The following CUL7 variants were observed in gnomAD, a reference collection of about 807,000 sequenced individuals.
The protein encoded by CUL7 is cullin 7, also known as cullin-7.
A neutral mutation model predicts 177.7 loss-of-function variants in CUL7; 96 were observed. That is an observed-to-expected ratio of 0.54 (90% CI 0.46 to 0.64). The LOEUF is 0.64. CUL7 is among the 30% of genes least tolerant of loss of function. The pLI is 0.00. For missense variants in CUL7, 1,893 were observed against 2,187.9 expected, an observed-to-expected ratio of 0.87 and a Z score of 2.69; for synonymous variants, 824 against 890.2, an observed-to-expected ratio of 0.93 and a Z score of 1.32.
chr6:43,044,707 A>T (rs1399467499), intron 16 of CUL7, 45 bp downstream of exon 16: 57 of 1,587,604 alleles, frequency 3.6e-5, no homozygotes, highest in Non-Finnish European at 4.9e-5. Context: ...AATTAGTGGA[A>T]CCAAGCCCTG....
chr6:43,040,761 G>T lies in CUL7; in HGVS notation c.3807-15C>A, dbSNP rs751704595. ...CCATGTAGTGCCTGCAGTGCATGCA[G>T]CCCGGGCCAAGCCTCAGTGTGGGCA... On this transcript the variant is annotated splice_polypyrimidine_tract_variant and intron_variant, in intron 20 of 25. Coordinates refer to ENST00000265348, the MANE Select transcript of CUL7 (RefSeq NM_014780.5). This position sits in a 1 kb window ranked among gnomAD's most constrained non-coding sequence, Gnocchi z 4.2. 8 of 1,613,210 alleles carry T rather than the reference G, an allele frequency of 5.0e-6. No individual in the cohort carries two copies. Among genetic ancestry groups the T allele is most frequent in the Non-Finnish European group, 6.8e-6 (8 of 1,179,240 alleles).
rs1348277401 is a variant in CUL7, at chr6:43,050,947, C to CCA, written c.1233+19_1233+20dup. Reference sequence around the variant, plus strand: ...CCCCAAATAGACCCCCAACAGTATCCCACCACCATGTGCCACTCACCTGCA... The same window carrying CCA: ...CCCCAAATAGACCCCCAACAGTATCCCACACCACCATGTGCCACTCACCTGCA... On this transcript the variant is annotated intron_variant, in intron 4 of 25. Coordinates refer to ENST00000265348, the MANE Select transcript of CUL7 (RefSeq NM_014780.5). This position sits in a 1 kb window ranked among gnomAD's most constrained non-coding sequence, Gnocchi z 4.1. 6.2e-7 allele frequency: 1 copy of CCA among 1,613,366 alleles called. No individual in the cohort carries two copies.
rs763703501 is a variant in CUL7 at position 43,046,928 on chromosome 6, G to C, written c.2349C>G (p.Ala783=). The C allele has an allele frequency of 3.8e-5, 62 of 1,612,966 alleles. No homozygotes were observed. The highest frequency in any genetic ancestry group is 5.1e-5 in the Non-Finnish European group (60 of 1,179,148). The change falls in exon 10 of 26, where the codon GCC becomes GCG. Residue 783 remains alanine (A), a synonymous_variant. Coordinates refer to ENST00000265348, the MANE Select transcript of CUL7 (RefSeq NM_014780.5). ...RDMVFKCEKH[A]HLYRKLITNI... is the part of the protein sequence containing the mutation. ...TGGTGATGAGTTTGCGGTAGAGGTGGGCATGCTTCTCACACTTGAACACCA... is the reference window on the plus strand; with the variant it reads ...TGGTGATGAGTTTGCGGTAGAGGTGCGCATGCTTCTCACACTTGAACACCA...
Position 43,040,820 on chromosome 6 carries a change from A to G in CUL7, c.3807-74T>C, listed in dbSNP as rs1763350517. The G allele has an allele frequency of 1.9e-6, 3 of 1,603,254 alleles. No homozygotes were observed. Among genetic ancestry groups the G allele is most frequent in the Non-Finnish European group, 2.6e-6 (3 of 1,171,124 alleles). Reference sequence around the variant, plus strand: ...GCCCAGCCTCCCACTCCAAGGCTCCAGCCTGCCTCTATCCCAGACTTCCAG... The same window carrying G: ...GCCCAGCCTCCCACTCCAAGGCTCCGGCCTGCCTCTATCCCAGACTTCCAG... On this transcript the variant is annotated intron_variant, in intron 20 of 25. Coordinates refer to ENST00000265348, the MANE Select transcript of CUL7 (RefSeq NM_014780.5). This position sits in a 1 kb window ranked among gnomAD's most constrained non-coding sequence, Gnocchi z 4.2.
In CUL7 at chr6:43,045,255, G is replaced by A. The variant is rs759226505; in HGVS notation, c.3010C>T (p.Arg1004Cys). ...QAWSQDMAED[R>C]RSLLHLSSRL... ...GAACTCAGGTGCAGGAGGCTCCTGC[G>A]GTCCTCTGCCATGTCCTGGCTCCAG... The change falls in exon 15 of 26, where the codon CGC becomes TGC. Residue 1004 changes from arginine to cysteine, a missense_variant. Physicochemically the swap from Arg to Cys is radical, Grantham distance 180. This residue lies in a region of CUL7 where 973 missense variants were observed against 1,140.9 expected (regional missense o/e 0.85). Coordinates refer to ENST00000265348, the MANE Select transcript of CUL7 (RefSeq NM_014780.5). This position sits in a 1 kb window ranked among gnomAD's most constrained non-coding sequence, Gnocchi z 4.8. The A allele has an allele frequency of 6.2e-6, 10 of 1,613,944 alleles. No individual in the cohort carries two copies. The highest frequency in any genetic ancestry group is 4.5e-5 in the East Asian group (2 of 44,884).
In CUL7 at chr6:43,046,063, C is replaced by G. The variant is rs1477538599; in HGVS notation, c.2689G>C (p.Asp897His). The change falls in exon 13 of 26, where the codon GAC becomes CAC. Residue 897 changes from aspartate to histidine, a missense_variant. Physicochemically the swap from Asp to His is moderately conservative, Grantham distance 81 (BLOSUM62 -1). Transcript: ENST00000265348. ...RQLTLLVASEDSSYMPARVVV... is the reference protein window; with the variant it reads ...RQLTLLVASEHSSYMPARVVV... Reference sequence around the variant, plus strand: ...ACTCGGGCCGGCATGTAACTCGAGTCCTCACTAGCCACAAGCAGAGTCAGT... The same window carrying G: ...ACTCGGGCCGGCATGTAACTCGAGTGCTCACTAGCCACAAGCAGAGTCAGT... 2 of 1,614,128 alleles carry G rather than the reference C, an allele frequency of 1.2e-6. No homozygotes were observed. The highest frequency in any genetic ancestry group is 1.7e-6 in the Non-Finnish European group (2 of 1,180,020).
chr6:43,045,054 G>A lies in CUL7; in HGVS notation c.3039-169C>T, dbSNP rs892003949. Among the ~76,000 whole-genome samples, 3 of 152,150 alleles carry A rather than the reference G, an allele frequency of 2.0e-5. No homozygotes were observed. The highest frequency in any genetic ancestry group is 2.0e-4 in the Admixed American group (3 of 15,266). ...TATATCCCATTCCCAGCCCACTGGA[G>A]AAATCTTTTCTCTTTATCCTTTCTT... On this transcript the variant is annotated intron_variant, in intron 15 of 25. Transcript: ENST00000265348. This position sits in a 1 kb window ranked among gnomAD's most constrained non-coding sequence, Gnocchi z 4.8.
chr6:43,041,062 A>G lies in CUL7; in HGVS notation c.3659T>C (p.Phe1220Ser). The change falls in exon 20 of 26, where the codon TTC becomes TCC. Residue 1220 changes from phenylalanine (F) to serine (S), a missense_variant. Around this residue, in one of 5 missense-constraint regions of CUL7, gnomAD observed 973 missense variants for 1,140.9 expected, o/e 0.85. Coordinates refer to ENST00000265348, the MANE Select transcript of CUL7 (RefSeq NM_014780.5). ...GATCTGCTGGTCAATGTGCCGGGCG[A>G]ACTGCTCACTCACCTGAGCAATGGC... ...FLKAAHVSEQFARHIDQQIQG... is the reference protein window; with the variant it reads ...FLKAAHVSEQSARHIDQQIQG... The G allele has an allele frequency of 6.2e-7, 1 of 1,613,930 alleles. No individual in the cohort carries two copies. Among genetic ancestry groups the G allele is most frequent in the Non-Finnish European group, 8.5e-7 (1 of 1,179,962 alleles).
intron 9 of CUL7, chr6:43,047,917 T>C (rs1473639987): frequency 1.8e-6 from 1 of 567,770 alleles, no homozygotes; most frequent in African/African-American, 1.9e-5. Context: ...AACAGAGATT[T>C]GGGTGAGAGC....
intron 9 of CUL7, 137 bp downstream of exon 9, chr6:43,048,011 C>A: frequency 1.6e-6 from 1 of 636,876 alleles, no homozygotes; most frequent in Non-Finnish European, 2.8e-6. Context: ...AAATAAAATT[C>A]AATTTTAAAA....
intron 25 of CUL7, 61 bp from the exon 26 acceptor site, chr6:43,038,072 A>C (rs1763102238): frequency 1.3e-6 from 2 of 1,541,378 alleles, no homozygotes; most frequent in South Asian, 2.5e-5. Context: ...TCCTTGCTTG[A>C]GCTTCCACTC....
Position 43,045,083 on chromosome 6 carries a change from C to T in CUL7, c.3038+144G>A, listed in dbSNP as rs1023721596. ...TCTTTTCTCTTTATCCTTTCTTCCC[C>T]TCCCACAGCTCAGAAAACTCCAGCC... is the stretch of plus-strand genomic sequence containing the variant. On this transcript the variant is annotated intron_variant, in intron 15 of 25. Coordinates refer to ENST00000265348, the MANE Select transcript of CUL7 (RefSeq NM_014780.5). The surrounding 1 kb of genome is among the most constrained non-coding windows in gnomAD (Gnocchi z 4.8). 2.8e-5 allele frequency: 37 copies of T among 1,329,694 alleles called. No homozygotes were observed. Among genetic ancestry groups the T allele is most frequent in the African/African-American group, 4.4e-5 (3 of 68,502 alleles). The allele number at this position is 1,329,694 out of a possible 1,614,324, so 82.4% of individuals were successfully genotyped here. A position where few individuals can be genotyped will look rare whatever the true frequency, so the allele number is the denominator to read the frequency against.
Position 43,052,470 on chromosome 6 carries a change from G to A in CUL7, c.319C>T (p.Leu107=), listed in dbSNP as rs756941201. 3.7e-6 allele frequency: 6 copies of A among 1,614,182 alleles called. No homozygotes were observed. The highest frequency in any genetic ancestry group is 5.1e-6 in the Non-Finnish European group (6 of 1,180,036). The change falls in exon 2 of 26, where the codon CTG becomes TTG. Residue 107 remains leucine, a synonymous_variant. Transcript: ENST00000265348. This position sits in a 1 kb window ranked among gnomAD's most constrained non-coding sequence, Gnocchi z 4.5. ...TTCACGTCGGTTTCCATCTCCTCCA[G>A]CACAGATTTGTCCAGGGCCCCAACC... ...GEVGALDKSV[L]EEMETDVKSL... is the part of the protein sequence containing the mutation.
At position 43,053,722 on chromosome 6, in the gene CUL7, G is replaced by A. The variant is rs984755455; in HGVS notation, c.-109C>T. On this transcript the variant is annotated 5_prime_UTR_variant, in exon 1 of 26. Coordinates refer to ENST00000265348, the MANE Select transcript of CUL7 (RefSeq NM_014780.5). This position sits in a 1 kb window ranked among gnomAD's most constrained non-coding sequence, Gnocchi z 4.1. ...GACTTGGGCCCCACCTGGGCCCCGC[G>A]AGGGGGTCGAGACGGAGAGACGGGA... The A allele has an allele frequency of 1.9e-5, 28 of 1,453,202 alleles. No homozygotes were observed. Among genetic ancestry groups the A allele is most frequent in the East Asian group, 1.3e-4 (5 of 37,078 alleles). The allele number at this position is 1,453,202 out of a possible 1,614,324, so 90.0% of individuals were successfully genotyped here. A position where few individuals can be genotyped will look rare whatever the true frequency, so the allele number is the denominator to read the frequency against.
chr6:43,049,689 C>T, intron 6 of CUL7, 27 bp from the exon 7 acceptor site: 1 of 1,613,236 alleles, frequency 6.2e-7, no homozygotes, highest in Non-Finnish European at 8.5e-7. Context: ...GCTCTCACTG[C>T]AGACAGCCCT....
chr6:43,037,681 TCTAGGG>T lies in CUL7; in HGVS notation c.*1_*6del. The T allele has an allele frequency of 6.4e-7, 1 of 1,551,212 alleles. No homozygotes were observed. The highest frequency in any genetic ancestry group is 8.7e-7 in the Non-Finnish European group (1 of 1,146,308). Reference sequence around the variant, plus strand: ...AGCTCTACCTTCCCCTGACCCCAAGTCTAGGGCTACCGGAAGGTAGAGAAGCTCTGG... The same window carrying T: ...AGCTCTACCTTCCCCTGACCCCAAGTCTACCGGAAGGTAGAGAAGCTCTGG... On this transcript the variant is annotated 3_prime_UTR_variant, in exon 26 of 26. Coordinates refer to ENST00000265348, the MANE Select transcript of CUL7 (RefSeq NM_014780.5).
In CUL7 at chr6:43,051,015, C is replaced by T. The variant is rs1162711076; in HGVS notation, c.1186G>A (p.Asp396Asn). 6.2e-7 allele frequency: 1 copy of T among 1,614,186 alleles called. No individual in the cohort carries two copies. Among genetic ancestry groups the T allele is most frequent in the Non-Finnish European group, 8.5e-7 (1 of 1,180,040 alleles). ...TTGCTCTGCCGAAACTCGCCCTCAT[C>T]CCCGGCACTGATCTCCTCATAATCA... The part of the protein sequence containing the change: ...LDDYEEISAG[D>N]EGEFRQSNNG... The change falls in exon 4 of 26, where the codon GAT becomes AAT. Residue 396 changes from aspartate to asparagine, a missense_variant. This residue lies in a region of CUL7 where 653 missense variants were observed against 725.2 expected (regional missense o/e 0.90). Transcript: ENST00000265348. The surrounding 1 kb of genome is among the most constrained non-coding windows in gnomAD (Gnocchi z 5.0).
intron 7 of CUL7, among the ~76,000 whole-genome samples, chr6:43,048,856 C>T (rs1764158307): frequency 6.6e-6 from 1 of 151,918 alleles, no homozygotes; most frequent in Admixed American, 6.5e-5. Context: ...CAACCTCCGC[C>T]TCCTGGGTTC....
In CUL7 at chr6:43,048,149, T is replaced by C; in HGVS notation, c.2168A>G (p.Glu723Gly). The C allele has an allele frequency of 6.2e-7, 1 of 1,607,126 alleles. No individual in the cohort carries two copies. The highest frequency in any genetic ancestry group is 8.5e-7 in the Non-Finnish European group (1 of 1,174,338). The change falls in exon 9 of 26, where the codon GAG (glutamate) becomes GGG (glycine). Residue 723 changes from glutamate (E) to glycine (G), a missense_variant and splice_region_variant. This residue lies in a region of CUL7 where 973 missense variants were observed against 1,140.9 expected (regional missense o/e 0.85). Coordinates refer to ENST00000265348, the MANE Select transcript of CUL7 (RefSeq NM_014780.5). ...ACLRSPNTDR[E>G]VLQELIFFLH... ...CTCCCCAGAGCAGGGCAGGGGTACC[T>C]CTCGATCAGTGTTTGGGGACCGCAG...
Sources: allele counts gnomAD v4.1 joint callset (sites outside exome capture counted in the v4.1 genomes callset), GRCh38; gene constraint gnomAD v4.1.1; regional missense constraint gnomAD v4.1.1; non-coding constraint Gnocchi (gnomAD v3.1); transcripts MANE v1.5; gene names NCBI Gene and HGNC (gene_info 2026-07-23, HGNC 2026-07-21).